The following GJC1 variants were observed in gnomAD, a reference collection of about 807,000 sequenced individuals.
GJC1 encodes gap junction gamma-1 protein.
Under a neutral mutation model 29.3 loss-of-function variants are expected in GJC1, and 5 were observed. The ratio of observed to expected loss-of-function variants is 0.17; its 90% CI spans 0.09 to 0.36. GJC1 has a LOEUF of 0.36. GJC1 is among the 10% of genes least tolerant of loss of function. The pLI, the probability that GJC1 is intolerant of heterozygous loss-of-function variation, is 1.00. For missense variants in GJC1, 310 were observed against 496.2 expected (o/e 0.62, Z 3.56); for synonymous variants, 177 against 183.3 (o/e 0.97, Z 0.28).
At chr17:44,820,611 C>T (rs1412393810) in intron 1 of GJC1, among the ~76,000 whole-genome samples, 2 of 152,072 alleles carry the variant, frequency 1.3e-5, no homozygotes, top group African/African-American at 2.4e-5. Flanking sequence ...AGAAAATTTG[C>T]GGTTGGACTA....
intron 1 of GJC1, among the ~76,000 whole-genome samples, chr17:44,817,475 C>G (rs2050056407): frequency 6.6e-6 from 1 of 151,788 alleles, no homozygotes; most frequent in African/African-American, 2.4e-5. Flanking sequence ...CTTTGGGAGG[C>G]TGAGGCGGGC....
rs771257791 is a variant in GJC1, at chr17:44,805,211, C to T, written c.607G>A (p.Val203Ile). 1 of 1,614,144 alleles carries T rather than the reference C, an allele frequency of 6.2e-7. No individual in the cohort carries two copies. The highest frequency in any genetic ancestry group is 1.3e-5 in the African/African-American group (1 of 75,048). Residue 203 changes from valine to isoleucine, a missense_variant, in exon 3 of 3, where the codon GTC becomes ATC. Coordinates refer to ENST00000592524, the MANE Select transcript of GJC1 (RefSeq NM_005497.4). The surrounding 1 kb of genome is among the most constrained non-coding windows in gnomAD (Gnocchi z 5.1). ...CTGCTGCACACATAAAACGGGTGGA[C>T]TTGGAAGCCATACAGAAAATACTGC... ...IGQYFLYGFQ[V>I]HPFYVCSRLP...
At chr17:44,827,438 G>C (rs2050188164) in intron 1 of GJC1, among the ~76,000 whole-genome samples, 1 of 152,072 alleles carries the variant, frequency 6.6e-6, no homozygotes, top group Admixed American at 6.6e-5. Context: ...TACAAGAAAA[G>C]CATAAGTTCA....
chr17:44,817,889 AT>A (rs2050061630), intron 1 of GJC1, among the ~76,000 whole-genome samples: 1 of 151,980 alleles, frequency 6.6e-6, no homozygotes, highest in African/African-American at 2.4e-5. Context: ...TGTGACCCTA[AT>A]CCCAATCTTC....
intron 1 of GJC1, among the ~76,000 whole-genome samples, chr17:44,824,152 C>T (rs987193987): frequency 6.6e-6 from 1 of 151,736 alleles, no homozygotes; most frequent in South Asian, 2.1e-4. Flanking sequence ...GGATTACAGG[C>T]GCGCGCCACC....
At chr17:44,798,367 G>A (rs912130602), downstream of GJC1, 1 of 152,050 alleles carries the variant, frequency 6.6e-6, no homozygotes, top group Admixed American at 6.6e-5. Flanking sequence ...TATAAATAGG[G>A]TAAAATCCTC....
intron 1 of GJC1, among the ~76,000 whole-genome samples, chr17:44,824,481 T>G (rs111872841): frequency 1.7e-3 from 258 of 152,136 alleles, no homozygotes; most frequent in African/African-American, 6.0e-3. Context: ...AAATTACTTT[T>G]TGCAGAGACA....
upstream of GJC1, chr17:44,830,667 C>G (rs1597769206): frequency 2.5e-6 from 1 of 398,630 alleles, no homozygotes; most frequent in East Asian, 3.6e-5. This position sits in a 1 kb window ranked among gnomAD's most constrained non-coding sequence, Gnocchi z 4.3. Flanking sequence ...TTAGCGGGCC[C>G]AGAGTTGTCT....
At chr17:44,807,573 A>G (rs1416359335) in intron 1 of GJC1, 104 bp from the exon 2 acceptor site, 1 of 152,224 alleles carries the variant, frequency 6.6e-6, no homozygotes, top group Non-Finnish European at 1.5e-5. Flanking sequence ...TCTATGTATC[A>G]TAAAAATCAA....
Position 44,805,695 on chromosome 17 carries a change from T to C in GJC1, c.123A>G (p.Glu41=), listed in dbSNP as rs750554443. The C allele has an allele frequency of 6.2e-7, 1 of 1,613,912 alleles. No homozygotes were observed. Among genetic ancestry groups the C allele is most frequent in the Non-Finnish European group, 8.5e-7 (1 of 1,179,912 alleles). The part of the protein sequence containing the change: ...FRIVLTAVGG[E]SIYYDEQSKF... ...TGCTTTGCTCATCGTAATAGATGGATTCTCCTCCTACAGCTGTAAGGACGA... is the reference window on the plus strand; with the variant it reads ...TGCTTTGCTCATCGTAATAGATGGACTCTCCTCCTACAGCTGTAAGGACGA... The change falls in exon 3 of 3, where the codon GAA becomes GAG. Residue 41 remains glutamate, a synonymous_variant. Coordinates refer to ENST00000592524, the MANE Select transcript of GJC1 (RefSeq NM_005497.4). The surrounding 1 kb of genome is among the most constrained non-coding windows in gnomAD (Gnocchi z 5.1).
chr17:44,804,700 C>G lies in GJC1; in HGVS notation c.1118G>C (p.Gly373Ala), dbSNP rs780131997. 3 of 1,614,024 alleles carry G rather than the reference C, an allele frequency of 1.9e-6. No individual in the cohort carries two copies. ...GCTTTTGTTGGACCCAGCTTTGGAC[C>G]CCACTTTGGCCTTCTTCTCCCGGGG... ...HGPREKKAKV[G>A]SKAGSNKSTA... is the part of the protein sequence containing the mutation. The change falls in exon 3 of 3, where the codon GGG becomes GCG. Residue 373 changes from glycine to alanine, a missense_variant. By Grantham distance (60) the Gly-to-Ala change is moderately conservative. This residue lies in a region of GJC1 where 146 missense variants were observed against 165.0 expected (regional missense o/e 0.88). Transcript: ENST00000592524.
At position 44,805,963 on chromosome 17, in the gene GJC1, G is replaced by T; in HGVS notation, c.-20-126C>A. On this transcript the variant is annotated intron_variant, in intron 2 of 2. Transcript: ENST00000592524. This position sits in a 1 kb window ranked among gnomAD's most constrained non-coding sequence, Gnocchi z 5.1. ...GAAATCTAACCTCAAGGTTCACAGT[G>T]GAACAAATGTTAGAATAAACAGCAT... 1.7e-6 allele frequency: 1 copy of T among 594,628 alleles called. No individual in the cohort carries two copies. The highest frequency in any genetic ancestry group is 2.9e-6 in the Non-Finnish European group (1 of 342,880). The allele number at this position is 594,628 out of a possible 1,614,324, so 36.8% of individuals were successfully genotyped here. A position where few individuals can be genotyped will look rare whatever the true frequency, so the allele number is the denominator to read the frequency against.
chr17:44,821,697 CAAAAAAAAAAAAAAAAA>C (rs61303163), intron 1 of GJC1, among the ~76,000 whole-genome samples: 5 of 58,370 alleles, frequency 8.6e-5, no homozygotes, highest in East Asian at 1.0e-3. Context: ...AACTCCGTCT[CAAAAAAAAAAAAAAAAA>C]AAAAAAAAAA....
intron 1 of GJC1, among the ~76,000 whole-genome samples, chr17:44,812,140 C>T (rs988393630): frequency 3.3e-5 from 5 of 152,038 alleles, no homozygotes; most frequent in South Asian, 2.1e-4. Context: ...TGATGAAACC[C>T]GCCCCTACTA....
chr17:44,811,685 C>T (rs1207437462), intron 1 of GJC1, among the ~76,000 whole-genome samples: 1 of 152,226 alleles, frequency 6.6e-6, no homozygotes, highest in East Asian at 1.9e-4. Context: ...CTATGCCTGG[C>T]CTCTTTCTCT....
At chr17:44,808,534 T>G (rs2049938398) in intron 1 of GJC1, among the ~76,000 whole-genome samples, 1 of 151,570 alleles carries the variant, frequency 6.6e-6, no homozygotes, top group South Asian at 2.1e-4. Flanking sequence ...GGGGATCACA[T>G]GAGTTCAGGA....
intron 1 of GJC1, among the ~76,000 whole-genome samples, chr17:44,821,028 G>A (rs914517813): frequency 6.6e-6 from 1 of 152,180 alleles, no homozygotes; most frequent in Non-Finnish European, 1.5e-5. Context: ...AAAATCTCAT[G>A]GAGAGTGAGT....
chr17:44,809,866 C>CTT (rs781508745), intron 1 of GJC1, among the ~76,000 whole-genome samples: 1 of 124,974 alleles, frequency 8.0e-6, no homozygotes, highest in Non-Finnish European at 1.7e-5. Flanking sequence ...CACGCCCAGC[C>CTT]TTTTTTTTTT....
chr17:44,809,094 A>T (rs2049944782), intron 1 of GJC1, among the ~76,000 whole-genome samples: 1 of 115,994 alleles, frequency 8.6e-6, no homozygotes, highest in Non-Finnish European at 2.2e-5. Flanking sequence ...ACAAAACAAA[A>T]CAAACAAACA....
Sources: allele counts gnomAD v4.1 joint callset (sites outside exome capture counted in the v4.1 genomes callset), GRCh38; gene constraint gnomAD v4.1.1; regional missense constraint gnomAD v4.1.1; non-coding constraint Gnocchi (gnomAD v3.1); transcripts MANE v1.5; gene names NCBI Gene and HGNC (gene_info 2026-07-23, HGNC 2026-07-21).